MLC1: variants seen among roughly 807,000 people sequenced by gnomAD.
MLC1 encodes modulator of VRAC current 1.
A neutral mutation model predicts 44.7 loss-of-function variants in MLC1; 32 were observed. The observed-to-expected ratio is 0.72, with a 90% CI of 0.54 to 0.96. The LOEUF (loss-of-function observed/expected upper bound fraction) is 0.96, where lower values mean the gene tolerates loss of function less well. Ranked by LOEUF, MLC1 falls within the 40% of genes least tolerant of loss-of-function variation. MLC1 has a pLI of 0.00. For missense variants in MLC1, 459 were observed against 492.2 expected (o/e 0.93, Z 0.64); for synonymous variants, 190 against 213.0 (o/e 0.89, Z 0.94).
intron 4 of MLC1, 138 bp from the exon 5 acceptor site, chr22:50,080,157 C>T (rs1209940911): frequency 1.3e-5 from 13 of 1,039,958 alleles, no homozygotes; most frequent in South Asian, 4.1e-5. Context: ...GTGCTCAGCC[C>T]GCTCTCCCCT....
In MLC1 at chr22:50,060,376, T is replaced by A. The variant is rs2061537945; in HGVS notation, c.*1207A>T. On this transcript the variant is annotated 3_prime_UTR_variant, in exon 12 of 12. Coordinates refer to ENST00000311597, the MANE Select transcript of MLC1 (RefSeq NM_015166.4). ...AGCCAGTGTTATTCTCACACCCAAC[T>A]GTCCCTGCAGCCTGGCAGGTGGGCA... is the stretch of plus-strand genomic sequence containing the variant. 1 of 152,390 alleles carries A rather than the reference T, an allele frequency of 6.6e-6. No individual in the cohort carries two copies. Among genetic ancestry groups the A allele is most frequent in the African/African-American group, 2.4e-5 (1 of 41,460 alleles). 9.4% of individuals were successfully genotyped at this position (152,390 alleles called of 1,614,324 possible).
chr22:50,067,427 C>A (rs193284304), intron 10 of MLC1, among the ~76,000 whole-genome samples: 10 of 135,596 alleles, frequency 7.4e-5, no homozygotes, highest in Non-Finnish European at 1.1e-4. Flanking sequence ...TGACTCTATC[C>A]CCTGTCAGGC....
At chr22:50,084,609 A>G (rs570656391) in intron 2 of MLC1, 117 bp downstream of exon 2, 2 of 1,100,634 alleles carry the variant, frequency 1.8e-6, no homozygotes, top group Admixed American at 3.4e-5. Context: ...CTGCAGCAGC[A>G]GGGTTAGTCT....
chr22:50,074,311 T>C lies in MLC1; in HGVS notation c.619A>G (p.Ile207Val). ...ATGATCCCCCCGAGGACGGCAGAGATGCCTGCGATTACCTCGACGACCTGG... is the reference window on the plus strand; with the variant it reads ...ATGATCCCCCCGAGGACGGCAGAGACGCCTGCGATTACCTCGACGACCTGG... Reference protein sequence around the residue: ...SYSVVEVIAGISAVLGGIIAL... With the variant: ...SYSVVEVIAGVSAVLGGIIAL... The change falls in exon 8 of 12, where the codon ATC becomes GTC. Residue 207 changes from isoleucine (I) to valine (V), a missense_variant. Coordinates refer to ENST00000311597, the MANE Select transcript of MLC1 (RefSeq NM_015166.4). 1 of 1,614,068 alleles carries C rather than the reference T, an allele frequency of 6.2e-7. No homozygotes were observed. Among genetic ancestry groups the C allele is most frequent in the Non-Finnish European group, 8.5e-7 (1 of 1,180,024 alleles).
rs761153635 is a variant in MLC1 at position 50,068,497 on chromosome 22, C to G, written c.830G>C (p.Gly277Ala). 11 of 1,613,904 alleles carry G rather than the reference C, an allele frequency of 6.8e-6. No individual in the cohort carries two copies. The Admixed American group carries it at 1.5e-4, about 22-fold the overall frequency. The change falls in exon 10 of 12, where the codon GGA (glycine) becomes GCA (alanine). Residue 277 changes from glycine to alanine, a missense_variant. Coordinates refer to ENST00000311597, the MANE Select transcript of MLC1 (RefSeq NM_015166.4). ...LTSPLLFTASGYLSFSIMRIV... is the reference protein window; with the variant it reads ...LTSPLLFTASAYLSFSIMRIV... ...TCTCATGATGCTGAATGACAGATAT[C>G]CAGAGGCTGTGAACAGCAGCGGAGA...
In MLC1 at chr22:50,067,962, A is replaced by C. The variant is rs530557427; in HGVS notation, c.894+471T>G. Among the ~76,000 whole-genome samples, 516 of 150,256 alleles carry C rather than the reference A, an allele frequency of 3.4e-3. 4 individuals carry two copies. Among genetic ancestry groups the C allele is most frequent in the African/African-American group, 0.012 (504 of 41,086 alleles). On this transcript the variant is annotated intron_variant, in intron 10 of 11. Coordinates refer to ENST00000311597, the MANE Select transcript of MLC1 (RefSeq NM_015166.4). ...AACCACTTATACTGGAAAAAAAAAA[A>C]CAAAAAAACAAAAAAACACTAGGTA... is the stretch of plus-strand genomic sequence containing the variant.
intron 6 of MLC1, 34 bp downstream of exon 6, chr22:50,077,367 C>T: frequency 1.3e-6 from 2 of 1,588,394 alleles, no homozygotes; most frequent in African/African-American, 1.3e-5. Flanking sequence ...TGCCTCTGCA[C>T]CCCCTGCCCT....
chr22:50,067,750 CA>C lies in MLC1; in HGVS notation c.894+682del, dbSNP rs767957686. Among the ~76,000 whole-genome samples, 216 of 105,316 alleles carry C rather than the reference CA, an allele frequency of 2.1e-3. 4 individuals carry two copies. Among genetic ancestry groups the C allele is most frequent in the Middle Eastern group, 4.6e-3 (1 of 218 alleles). 69.1% of individuals were successfully genotyped at this position (105,316 alleles called of 152,430 possible). On this transcript the variant is annotated intron_variant, in intron 10 of 11. Transcript: ENST00000311597. ...CCATCCATCAGACAGTGACTCCATC[CA>C]TCCATCAGACAGTGACTCCATCCCC... is the stretch of plus-strand genomic sequence containing the variant.
intron 1 of MLC1, 138 bp from the exon 2 acceptor site, chr22:50,085,099 C>A (rs943200057): frequency 3.5e-6 from 5 of 1,443,182 alleles, no homozygotes; most frequent in Non-Finnish European, 4.5e-6. Flanking sequence ...GCACTTGAAT[C>A]TAAAAGTGAA....
intron 8 of MLC1, among the ~76,000 whole-genome samples, chr22:50,071,216 T>C (rs2061843904): frequency 6.6e-6 from 1 of 151,870 alleles, no homozygotes; most frequent in Admixed American, 6.6e-5. Flanking sequence ...TCAAGCCTCC[T>C]GAGTAGCTGG....
In MLC1 at chr22:50,068,538, G is replaced by A; in HGVS notation, c.789C>T (p.Ala263=). 1 of 1,613,444 alleles carries A rather than the reference G, an allele frequency of 6.2e-7. No homozygotes were observed. The highest frequency in any genetic ancestry group is 2.2e-5 in the East Asian group (1 of 44,842). ...PSKCLVEVLI[A]ISSLTSPLLF... ...GCAGCGGAGACGTGAGGCTGCTTAT[G>A]GCAATCAGGACCTCCACCTGGAAAA... The change falls in exon 10 of 12, where the codon GCC becomes GCT. Residue 263 remains alanine, a synonymous_variant. Coordinates refer to ENST00000311597, the MANE Select transcript of MLC1 (RefSeq NM_015166.4).
At chr22:50,076,244 A>G (rs1260237255) in intron 7 of MLC1, among the ~76,000 whole-genome samples, 1 of 152,200 alleles carries the variant, frequency 6.6e-6, no homozygotes, top group Non-Finnish European at 1.5e-5. Context: ...GTACAAGGCA[A>G]GAAAAGTTGA....
intron 9 of MLC1, among the ~76,000 whole-genome samples, chr22:50,069,028 G>C (rs1428692038): frequency 1.3e-5 from 2 of 148,780 alleles, no homozygotes; most frequent in South Asian, 2.1e-4. Context: ...CGCCCGGCCT[G>C]CCTTTCTTTC....
chr22:50,077,003 G>T (rs2061999903), intron 6 of MLC1, 91 bp from the exon 7 acceptor site: 88 of 1,403,758 alleles, frequency 6.3e-5, no homozygotes, highest in Non-Finnish European at 8.7e-5. Flanking sequence ...AGTGGGTCAG[G>T]TCAGCCTGCC....
chr22:50,076,825 AG>A lies in MLC1; in HGVS notation c.597+15del. On this transcript the variant is annotated intron_variant, in intron 7 of 11. Transcript: ENST00000311597. ...CAGAGTATGAGAGAAAAGAGAAAGA[AG>A]GGAAGTTTTCTTACTGAGTAAGATT... 2 of 1,612,090 alleles carry A rather than the reference AG, an allele frequency of 1.2e-6. No homozygotes were observed. Among genetic ancestry groups the A allele is most frequent in the Non-Finnish European group, 1.7e-6 (2 of 1,178,178 alleles).
At chr22:50,084,681 C>T (rs1488533245) in intron 2 of MLC1, 45 bp downstream of exon 2, 2 of 1,603,960 alleles carry the variant, frequency 1.2e-6, no homozygotes, top group Admixed American at 1.7e-5. Context: ...ACCAGAGGGA[C>T]CAGATGCTCG....
rs1294509075 is a variant in MLC1, at chr22:50,060,733, A to C, written c.*850T>G. ...CGTGGCACTCCAAGCTGGGCATGAC[A>C]GTGCCCGGGACGTGGGCAGCGGCCA... On this transcript the variant is annotated 3_prime_UTR_variant, in exon 12 of 12. Transcript: ENST00000311597. 8.1e-6 allele frequency: 1 copy of C among 123,622 alleles called. No homozygotes were observed. The highest frequency in any genetic ancestry group is 1.9e-5 in the Non-Finnish European group (1 of 53,134). The allele number at this position is 123,622 out of a possible 1,614,324, so 7.7% of individuals were successfully genotyped here. A position where few individuals can be genotyped will look rare whatever the true frequency, so the allele number is the denominator to read the frequency against.
chr22:50,064,750 G>A (rs1348346757), intron 10 of MLC1, among the ~76,000 whole-genome samples: 1 of 152,086 alleles, frequency 6.6e-6, no homozygotes, highest in Non-Finnish European at 1.5e-5. Context: ...GGATGCAGGG[G>A]GCCAGAGAGT....
chr22:50,075,201 C>CAG (rs2061950223), intron 7 of MLC1, among the ~76,000 whole-genome samples: 1 of 139,278 alleles, frequency 7.2e-6, no homozygotes, highest in African/African-American at 3.2e-5. Context: ...CAGGGAGGGG[C>CAG]CGCAACCAGC....
Sources: allele counts gnomAD v4.1 joint callset (sites outside exome capture counted in the v4.1 genomes callset), GRCh38; gene constraint gnomAD v4.1.1; transcripts MANE v1.5; gene names NCBI Gene and HGNC (gene_info 2026-07-23, HGNC 2026-07-21).